Variants in CDH13 observed in about 807,000 individuals in gnomAD.
CDH13 encodes cadherin 13, also known as cadherin-13.
In CDH13, 24 loss-of-function variants were observed where a neutral mutation model predicts 63.8. The observed-to-expected ratio is 0.38, with a 90% CI of 0.27 to 0.53. The LOEUF (loss-of-function observed/expected upper bound fraction) is 0.53, where lower values mean the gene tolerates loss of function less well. Ranked by LOEUF, CDH13 falls within the 20% of genes least tolerant of loss-of-function variation. The pLI, the probability that CDH13 is intolerant of heterozygous loss-of-function variation, is 0.85. For synonymous variants in CDH13, 503 were observed against 355.3 expected (o/e 1.42, Z -4.67); for missense variants, 1,049 against 903.1 (o/e 1.16, Z -2.07).
chr16:83,739,268 C>A (rs1347209784), intron 10 of CDH13, among the ~76,000 whole-genome samples: 2 of 151,940 alleles, frequency 1.3e-5, no homozygotes, highest in Non-Finnish European at 2.9e-5. Flanking sequence ...CCAAAAAAAA[C>A]CCTGAATGTT....
intron 1 of CDH13, among the ~76,000 whole-genome samples, chr16:82,671,068 C>T (rs569505284): frequency 6.6e-6 from 1 of 152,254 alleles, no homozygotes; most frequent in African/African-American, 2.4e-5. Context: ...GCCAGCCTTT[C>T]GTGGGTATTA....
intron 11 of CDH13, among the ~76,000 whole-genome samples, chr16:83,775,515 C>T (rs1380496485): frequency 6.6e-6 from 1 of 152,094 alleles, no homozygotes; most frequent in African/African-American, 2.4e-5. Flanking sequence ...AAATGGCTAC[C>T]ATGAGAACAT....
At chr16:82,972,758 C>A (rs182591826) in intron 2 of CDH13, among the ~76,000 whole-genome samples, 17 of 151,956 alleles carry the variant, frequency 1.1e-4, no homozygotes, top group Admixed American at 2.6e-4. Flanking sequence ...GTTGTCAAAG[C>A]AAGAATCAGC....
chr16:83,529,279 C>T (rs1216866837), intron 7 of CDH13, among the ~76,000 whole-genome samples: 1 of 152,026 alleles, frequency 6.6e-6, no homozygotes, highest in Non-Finnish European at 1.5e-5. Context: ...AATTGGATGA[C>T]ATATATTAAA....
At chr16:83,271,437 A>T (rs1007360392) in intron 5 of CDH13, among the ~76,000 whole-genome samples, 2 of 136,664 alleles carry the variant, frequency 1.5e-5, no homozygotes, top group Non-Finnish European at 3.1e-5. Context: ...AAAAAAAAAA[A>T]AAAAAAAAAA....
chr16:83,127,884 C>G (rs2035881077), intron 4 of CDH13, among the ~76,000 whole-genome samples: 1 of 152,120 alleles, frequency 6.6e-6, no homozygotes, highest in African/African-American at 2.4e-5. Flanking sequence ...GGACATGATA[C>G]AAAGGGAAGC....
intron 6 of CDH13, among the ~76,000 whole-genome samples, chr16:83,369,454 G>A (rs2091322546): frequency 6.6e-6 from 1 of 152,044 alleles, no homozygotes; most frequent in South Asian, 2.1e-4. Flanking sequence ...GGGGTCTCCT[G>A]TGTTGCCAGT....
At chr16:83,054,001 T>A (rs574668727) in intron 3 of CDH13, among the ~76,000 whole-genome samples, 1 of 152,328 alleles carries the variant, frequency 6.6e-6, no homozygotes, top group South Asian at 2.1e-4. Context: ...ACTTTTTGTG[T>A]TTAGATATGT....
chr16:83,700,479 T>G (rs528671969), intron 10 of CDH13, among the ~76,000 whole-genome samples: 1 of 152,356 alleles, frequency 6.6e-6, no homozygotes, highest in East Asian at 1.9e-4. Context: ...GCACCTACTA[T>G]GTGCCAGGCA....
intron 4 of CDH13, among the ~76,000 whole-genome samples, chr16:83,170,808 G>A (rs763466135): frequency 6.6e-6 from 1 of 152,100 alleles, no homozygotes; most frequent in Non-Finnish European, 1.5e-5. Context: ...GCATGTGCAT[G>A]TTTCCTGATT....
chr16:83,762,606 G>A (rs544080184), intron 11 of CDH13, among the ~76,000 whole-genome samples: 11 of 152,122 alleles, frequency 7.2e-5, no homozygotes, highest in African/African-American at 2.2e-4. Flanking sequence ...TGTCACAGGC[G>A]ATTTCTCGTA....
chr16:83,120,598 G>C (rs2151636462), intron 3 of CDH13, among the ~76,000 whole-genome samples: 1 of 152,132 alleles, frequency 6.6e-6, no homozygotes, highest in African/African-American at 2.4e-5. Flanking sequence ...CTCTAGACCA[G>C]CTCTCATCTG....
intron 2 of CDH13, among the ~76,000 whole-genome samples, chr16:82,944,358 T>C (rs1406034329): frequency 6.6e-6 from 1 of 152,154 alleles, no homozygotes; most frequent in Admixed American, 6.6e-5. Context: ...GTGTCTGTAG[T>C]GGGCTTTGGT....
chr16:83,401,908 T>C (rs2091973764), intron 6 of CDH13, among the ~76,000 whole-genome samples: 1 of 152,214 alleles, frequency 6.6e-6, no homozygotes, highest in African/African-American at 2.4e-5. Flanking sequence ...AATATATTCG[T>C]TTCAGTCTCA....
intron 9 of CDH13, among the ~76,000 whole-genome samples, chr16:83,673,227 G>A (rs906036777): frequency 4.6e-5 from 7 of 152,046 alleles, no homozygotes; most frequent in Non-Finnish European, 8.8e-5. Flanking sequence ...ATACTGACCC[G>A]TACTAGAAAT....
At chr16:83,226,564 C>T (rs1271577273) in intron 5 of CDH13, among the ~76,000 whole-genome samples, 1 of 152,160 alleles carries the variant, frequency 6.6e-6, no homozygotes, top group Non-Finnish European at 1.5e-5. Flanking sequence ...GGATGGCTAC[C>T]CTTTTTTTTC....
At chr16:83,148,801 A>G (rs1402468851) in intron 4 of CDH13, among the ~76,000 whole-genome samples, 2 of 152,206 alleles carry the variant, frequency 1.3e-5, no homozygotes, top group Non-Finnish European at 2.9e-5. Flanking sequence ...TTTATCCTCA[A>G]AGACACTATT....
At chr16:82,965,987 C>T (rs1403386383) in intron 2 of CDH13, among the ~76,000 whole-genome samples, 2 of 152,178 alleles carry the variant, frequency 1.3e-5, no homozygotes, top group African/African-American at 4.8e-5. Context: ...ATATCCCTGT[C>T]AGCCAATCAG....
chr16:83,466,922 T>A (rs980608926), intron 6 of CDH13, among the ~76,000 whole-genome samples: 4 of 152,176 alleles, frequency 2.6e-5, no homozygotes, highest in African/African-American at 9.6e-5. Context: ...ACAATCAGTC[T>A]TTATATGGCA....
Sources: allele counts gnomAD v4.1 joint callset (sites outside exome capture counted in the v4.1 genomes callset), GRCh38; gene constraint gnomAD v4.1.1; transcripts MANE v1.5; gene names NCBI Gene and HGNC (gene_info 2026-07-23, HGNC 2026-07-21).